Variants in TJP1 observed in about 807,000 individuals in gnomAD.
TJP1 encodes tight junction protein ZO-1.
TJP1 carries 43 observed loss-of-function variants against 194.2 expected under a neutral mutation model. The ratio of observed to expected loss-of-function variants is 0.22; its 90% CI spans 0.17 to 0.29. TJP1 has a LOEUF of 0.29. Ranked by LOEUF, TJP1 falls within the 10% of genes least tolerant of loss-of-function variation. The probability of loss-of-function intolerance (pLI) is 1.00; values close to 1 mark genes in which losing one functional copy is unlikely to be tolerated. For synonymous variants in TJP1, 801 were observed against 779.0 expected (o/e 1.03, Z -0.47); for missense variants, 1,971 against 2,185.7 (o/e 0.90, Z 1.96).
chr15:29,783,414 T>C (rs2047498022), intron 2 of TJP1, among the ~76,000 whole-genome samples: 1 of 152,160 alleles, frequency 6.6e-6, no homozygotes, highest in Non-Finnish European at 1.5e-5. Flanking sequence ...GAAGGCAGTA[T>C]GGCAGTTCCT....
At chr15:29,915,378 A>G (rs1618252) in intron 2 of TJP1, among the ~76,000 whole-genome samples, 14,571 of 152,186 alleles carry the variant, frequency 0.096, 1,509 homozygotes, top group African/African-American at 0.26. Context: ...CAAAAACCTA[A>G]TGATTCCCCA....
chr15:29,733,351 G>T, intron 12 of TJP1, 38 bp from the exon 13 acceptor site: 1 of 1,379,546 alleles, frequency 7.2e-7, no homozygotes. Flanking sequence ...TCAATATTTA[G>T]TGGGATAACA....
intron 8 of TJP1, among the ~76,000 whole-genome samples, chr15:29,750,514 A>G (rs528736842): frequency 1.6e-4 from 24 of 152,164 alleles, no homozygotes; most frequent in Non-Finnish European, 2.5e-4. Context: ...GTTATGTTTA[A>G]TTTCTTTACA....
chr15:29,851,110 C>G (rs1464199449), intron 2 of TJP1, among the ~76,000 whole-genome samples: 1 of 152,006 alleles, frequency 6.6e-6, no homozygotes, highest in Middle Eastern at 3.2e-3. Context: ...TGCATTCCAG[C>G]CTGGGCAACA....
chr15:29,931,825 G>C (rs1169239195), intron 2 of TJP1, among the ~76,000 whole-genome samples: 2 of 152,344 alleles, frequency 1.3e-5, no homozygotes, highest in East Asian at 3.9e-4. Context: ...AGACAGAGCA[G>C]CCCCAAGGGC....
Position 29,770,606 on chromosome 15 carries a change from G to C in TJP1, c.312+1458C>G, listed in dbSNP as rs939987330. On this transcript the variant is annotated intron_variant, in intron 4 of 27. Transcript: ENST00000614355. ...GGGTGCCTGTAGTCCCAGCTACTCG[G>C]GACGCTGAGCTTGCAGTGAGCCAAG... Among the ~76,000 whole-genome samples, 7 of 151,576 alleles carry C rather than the reference G, an allele frequency of 4.6e-5. No individual in the cohort carries two copies. The East Asian group carries it at 1.4e-3, about 30-fold the overall frequency.
rs762641321 is a variant in TJP1 at position 29,766,497 on chromosome 15, C to G, written c.358G>C (p.Asp120His). The part of the protein sequence containing the change: ...KKVQIPVSRP[D>H]PEPVSDNEED... ...TCATTATCAGATACTGGTTCAGGATCAGGACGACTTACTGGTATTTGAACT... is the reference window on the plus strand; with the variant it reads ...TCATTATCAGATACTGGTTCAGGATGAGGACGACTTACTGGTATTTGAACT... The change falls in exon 5 of 28, where the codon GAT becomes CAT. Residue 120 changes from aspartate (D) to histidine (H), a missense_variant. By Grantham distance (81) the Asp-to-His change is moderately conservative (BLOSUM62 -1). This residue lies in a region of TJP1 where 245 missense variants were observed against 336.6 expected (regional missense o/e 0.73). Coordinates refer to ENST00000614355, the MANE Select transcript of TJP1 (RefSeq NM_001330239.4). The G allele has an allele frequency of 2.5e-6, 4 of 1,603,816 alleles. No individual in the cohort carries two copies. The highest frequency in any genetic ancestry group is 3.4e-6 in the Non-Finnish European group (4 of 1,174,212).
intron 2 of TJP1, among the ~76,000 whole-genome samples, chr15:29,913,446 T>C (rs562748814): frequency 6.6e-6 from 1 of 152,234 alleles, no homozygotes; most frequent in Non-Finnish European, 1.5e-5. Flanking sequence ...ATATTGTGTA[T>C]GTGCACACAC....
chr15:29,810,456 T>G (rs1230591716), intron 1 of TJP1, among the ~76,000 whole-genome samples: 2 of 152,202 alleles, frequency 1.3e-5, no homozygotes, highest in Non-Finnish European at 2.9e-5. Context: ...GAGCTGGCTA[T>G]TCCAGCAACT....
intron 26 of TJP1, 106 bp from the exon 27 acceptor site, chr15:29,704,411 A>C: frequency 1.4e-6 from 2 of 1,386,168 alleles, no homozygotes; most frequent in Non-Finnish European, 1.9e-6. Context: ...AGCCTAATGG[A>C]GTTAGTTCTC....
upstream of TJP1, among the ~76,000 whole-genome samples, chr15:29,826,632 C>G (rs945564592): frequency 6.6e-6 from 1 of 152,304 alleles, no homozygotes; most frequent in South Asian, 2.1e-4. Flanking sequence ...GGGGCTGACC[C>G]TCTCAGCTGT....
At chr15:29,783,199 G>A (rs539355325) in intron 2 of TJP1, among the ~76,000 whole-genome samples, 11 of 152,248 alleles carry the variant, frequency 7.2e-5, no homozygotes, top group East Asian at 1.9e-4. Context: ...GTTTGAACCC[G>A]GGAGGCAGAG....
Position 29,731,396 on chromosome 15 carries a change from A to T in TJP1, c.2017+1037T>A, listed in dbSNP as rs970837672. 3.9e-5 allele frequency among the ~76,000 whole-genome samples: 6 copies of T among 152,068 alleles called. No individual in the cohort carries two copies. The South Asian group carries it at 8.3e-4, about 21-fold the overall frequency. On this transcript the variant is annotated intron_variant, in intron 15 of 27. Coordinates refer to ENST00000614355, the MANE Select transcript of TJP1 (RefSeq NM_001330239.4). ...AAGCCCAGACATCTGTTGAGACCTG[A>T]CCCCTAGTCATTGGTTACCAGTGTG...
intron 2 of TJP1, among the ~76,000 whole-genome samples, chr15:29,866,430 A>G (rs1294816072): frequency 6.6e-6 from 1 of 152,240 alleles, no homozygotes; most frequent in Non-Finnish European, 1.5e-5. Flanking sequence ...GTCTGCTTGA[A>G]TACATCATTT....
At position 29,817,828 on chromosome 15, in the gene TJP1, C is replaced by A. The variant is rs139525832; in HGVS notation, c.27+4174G>T. Among the ~76,000 whole-genome samples, 195 of 152,162 alleles carry A rather than the reference C, an allele frequency of 1.3e-3. 1 individual carries two copies. Among genetic ancestry groups the A allele is most frequent in the Non-Finnish European group, 2.2e-3 (149 of 67,986 alleles). On this transcript the variant is annotated intron_variant, in intron 1 of 27. Coordinates refer to ENST00000614355, the MANE Select transcript of TJP1 (RefSeq NM_001330239.4). ...GGAGGGGAACATCACACACCAGGAC[C>A]TGGGGCCTGTTACCCGGGTTGGTGG...
chr15:29,908,451 C>A (rs1304111218), intron 2 of TJP1, among the ~76,000 whole-genome samples: 1 of 152,180 alleles, frequency 6.6e-6, no homozygotes, highest in Non-Finnish European at 1.5e-5. Flanking sequence ...ATCAAGTGGG[C>A]AGGTGATATA....
Position 29,734,268 on chromosome 15 carries a change from T to C in TJP1, c.1516+6A>G. The C allele has an allele frequency of 1.3e-6, 2 of 1,588,366 alleles. No homozygotes were observed. Among genetic ancestry groups the C allele is most frequent in the Non-Finnish European group, 1.7e-6 (2 of 1,166,270 alleles). ...TTATCTCCTCCATTTTCTGACAGCA[T>C]CTCACCATCCTTCTTCTTCTGAGCC... On this transcript the variant is annotated splice_donor_region_variant and intron_variant, in intron 12 of 27. Transcript: ENST00000614355.
intron 2 of TJP1, among the ~76,000 whole-genome samples, chr15:29,943,083 T>TAAGACACTG (rs2055139021): frequency 6.6e-6 from 1 of 152,176 alleles, no homozygotes; most frequent in Non-Finnish European, 1.5e-5. Context: ...CAAGCTGTGA[T>TAAGACACTG]AAGACACTGG....
At chr15:29,949,537 C>A (rs998625482) in intron 2 of TJP1, among the ~76,000 whole-genome samples, 234 of 125,462 alleles carry the variant, frequency 1.9e-3, no homozygotes, top group Middle Eastern at 4.9e-3. Context: ...CCACCTCCAC[C>A]ACCACCACCT....
Sources: allele counts gnomAD v4.1 joint callset (sites outside exome capture counted in the v4.1 genomes callset), GRCh38; gene constraint gnomAD v4.1.1; regional missense constraint gnomAD v4.1.1; transcripts MANE v1.5; gene names NCBI Gene and HGNC (gene_info 2026-07-23, HGNC 2026-07-21).